Variants in ATP2C2 observed in about 807,000 individuals in gnomAD.
ATP2C2 encodes the protein calcium-transporting ATPase type 2C member 2.
In ATP2C2, 171 loss-of-function variants were observed where a neutral mutation model predicts 110.8. The observed-to-expected ratio is 1.54, with a 90% CI of 1.36 to 1.75. The LOEUF (loss-of-function observed/expected upper bound fraction) is 1.75. Ranked by LOEUF, ATP2C2 falls within the 40% of genes most tolerant of loss-of-function variation. The probability of loss-of-function intolerance (pLI) is 0.00; values close to 1 mark genes in which losing one functional copy is unlikely to be tolerated. For missense variants in ATP2C2, 1,963 were observed against 1,235.0 expected (o/e 1.59, Z -8.84); for synonymous variants, 804 against 508.4 (o/e 1.58, Z -7.82).
At chr16:84,409,356 G>A (rs145068499) in intron 4 of ATP2C2, among the ~76,000 whole-genome samples, 1,688 of 152,240 alleles carry the variant, frequency 0.011, 23 homozygotes, top group Non-Finnish European at 0.017. Flanking sequence ...TGTAAATGAC[G>A]AGTTGATGGG....
chr16:84,463,557 G>A, intron 26 of ATP2C2, 57 bp from the exon 27 acceptor site: 2 of 1,479,208 alleles, frequency 1.4e-6, no homozygotes, highest in Non-Finnish European at 1.9e-6. Context: ...GGCGCTTCCT[G>A]CCGGCGCAAC....
intron 7 of ATP2C2, among the ~76,000 whole-genome samples, chr16:84,419,729 C>G (rs527764852): frequency 1.4e-4 from 22 of 152,212 alleles, no homozygotes; most frequent in African/African-American, 4.8e-4. Context: ...ACGTATGAGG[C>G]CCTGGGCTGG....
intron 7 of ATP2C2, among the ~76,000 whole-genome samples, chr16:84,417,819 G>A (rs1906973389): frequency 6.6e-6 from 1 of 152,336 alleles, no homozygotes; most frequent in Non-Finnish European, 1.5e-5. Flanking sequence ...GTGGTATTCT[G>A]CAATTCCATT....
intron 6 of ATP2C2, among the ~76,000 whole-genome samples, chr16:84,411,129 A>G (rs34905428): frequency 0.52 from 79,113 of 151,908 alleles, 21,046 homozygotes; most frequent in East Asian, 0.81. Context: ...TGAATTCTCA[A>G]TGAATGGTCT....
At chr16:84,428,703 A>G (rs1396716659) in intron 11 of ATP2C2, among the ~76,000 whole-genome samples, 3 of 152,166 alleles carry the variant, frequency 2.0e-5, no homozygotes, top group Admixed American at 2.0e-4. Flanking sequence ...CTTCCCTTAA[A>G]GAAAAAAAAA....
intron 1 of ATP2C2, among the ~76,000 whole-genome samples, chr16:84,393,565 A>G (rs1904789671): frequency 6.6e-6 from 1 of 151,948 alleles, no homozygotes; most frequent in Non-Finnish European, 1.5e-5. Context: ...AAGTATAGAC[A>G]CTCCTTCTAA....
At chr16:84,423,081 G>A (rs1314851830) in intron 9 of ATP2C2, 107 bp from the exon 10 acceptor site, 3 of 903,072 alleles carry the variant, frequency 3.3e-6, no homozygotes, top group Admixed American at 3.8e-5. Flanking sequence ...GTGTACCCCT[G>A]TGTAATCATC....
At chr16:84,408,600 A>C in intron 4 of ATP2C2, 106 bp downstream of exon 4, 2 of 808,402 alleles carry the variant, frequency 2.5e-6, no homozygotes, top group East Asian at 2.8e-5. Context: ...TGTAGGGGGG[A>C]AAAAGGAGCA....
chr16:84,418,633 C>A (rs1431043286), intron 7 of ATP2C2, among the ~76,000 whole-genome samples: 1 of 152,220 alleles, frequency 6.6e-6, no homozygotes, highest in Non-Finnish European at 1.5e-5. Context: ...GGTTGCGTGG[C>A]CCTGCGCAGT....
At chr16:84,398,754 T>C in intron 2 of ATP2C2, 145 bp downstream of exon 2, 1 of 641,232 alleles carries the variant, frequency 1.6e-6, no homozygotes, top group Non-Finnish European at 2.6e-6. Context: ...TGATGTTGAA[T>C]GGTTCAGATT....
At chr16:84,462,194 G>C (rs1208051342) in intron 26 of ATP2C2, 65 bp downstream of exon 26, 6 of 1,567,496 alleles carry the variant, frequency 3.8e-6, no homozygotes, top group East Asian at 4.5e-5. Context: ...GCAGCTGCCA[G>C]GTGGGGAGCT....
At chr16:84,452,497 C>T (rs1336551476) in intron 18 of ATP2C2, among the ~76,000 whole-genome samples, 9 of 118,336 alleles carry the variant, frequency 7.6e-5, no homozygotes, top group Non-Finnish European at 9.9e-5. Context: ...CCTCTAGTTA[C>T]TTTTTTTTTT....
intron 18 of ATP2C2, 87 bp downstream of exon 18, chr16:84,452,178 A>T: frequency 6.5e-7 from 1 of 1,539,028 alleles, no homozygotes; most frequent in African/African-American, 1.4e-5. Context: ...AGCCTCCGCA[A>T]ACTCGGTCAG....
In ATP2C2 at chr16:84,422,616, C is replaced by G. The variant is rs1907449206; in HGVS notation, c.775-13C>G. The G allele has an allele frequency of 6.2e-7, 1 of 1,612,492 alleles. No homozygotes were observed. The highest frequency in any genetic ancestry group is 8.5e-7 in the Non-Finnish European group (1 of 1,179,376). On this transcript the variant is annotated splice_polypyrimidine_tract_variant and intron_variant, in intron 8 of 26. Transcript: ENST00000262429. Reference sequence around the variant, plus strand: ...GCCCTTAGATTTCATACTTCTCTCTCTCCTGGACACAGGGGGTCGTGATTG... The same window carrying G: ...GCCCTTAGATTTCATACTTCTCTCTGTCCTGGACACAGGGGGTCGTGATTG...
In ATP2C2 at chr16:84,459,382, C is replaced by T. The variant is rs780353173; in HGVS notation, c.2329C>T (p.Gln777Ter). 8 of 1,613,910 alleles carry T rather than the reference C, an allele frequency of 5.0e-6. No homozygotes were observed. The highest frequency in any genetic ancestry group is 5.9e-6 in the Non-Finnish European group (7 of 1,179,902). ...CATCATCATGGATGGGCCACCGGCG[C>T]AGAGGTGAGGCAGGGCCGGCTGGGA... ...INIIMDGPPA[Q>*]SLGVEPVDKD... Residue 777 changes from glutamine to a stop codon, truncating the protein, a stop_gained, in exon 23 of 27, where the codon CAG becomes TAG. Coordinates refer to ENST00000262429, the MANE Select transcript of ATP2C2 (RefSeq NM_014861.4). LOFTEE classifies it high-confidence loss of function.
intron 1 of ATP2C2, among the ~76,000 whole-genome samples, chr16:84,378,416 G>GGCA (rs1324967791): frequency 6.6e-6 from 1 of 152,110 alleles, no homozygotes; most frequent in Non-Finnish European, 1.5e-5. Context: ...AAGAATGGAG[G>GGCA]GCAGCATTGG....
chr16:84,390,218 CCGGGGCTGGACGGGAGGGCGCCACAG>C (rs1406567856), intron 1 of ATP2C2, among the ~76,000 whole-genome samples: 4 of 152,330 alleles, frequency 2.6e-5, no homozygotes, highest in Middle Eastern at 3.4e-3. Flanking sequence ...GAACCGAATC[CCGGGGCTGGACGGGAGGGCGCCACAG>C]CGGGGCTGGA....
At chr16:84,438,768 G>T (rs934898121) in intron 11 of ATP2C2, among the ~76,000 whole-genome samples, 1 of 152,182 alleles carries the variant, frequency 6.6e-6, no homozygotes, top group Admixed American at 6.5e-5. Flanking sequence ...AGGGACTCAC[G>T]AGGACCCCTG....
At chr16:84,461,314 C>T (rs948990371) in intron 24 of ATP2C2, 4 of 305,036 alleles carry the variant, frequency 1.3e-5, no homozygotes, top group Non-Finnish European at 1.8e-5. Flanking sequence ...CGGGAGGGGA[C>T]CCTGGCCGGG....
Sources: allele counts gnomAD v4.1 joint callset (sites outside exome capture counted in the v4.1 genomes callset), GRCh38; gene constraint gnomAD v4.1.1; transcripts MANE v1.5; gene names NCBI Gene and HGNC (gene_info 2026-07-23, HGNC 2026-07-21).